Variants in CTNNA2 observed in about 807,000 individuals in gnomAD.
CTNNA2 encodes catenin alpha-2.
Under a neutral mutation model 101.0 loss-of-function variants are expected in CTNNA2, and 42 were observed. The observed-to-expected ratio is 0.42, with a 90% confidence interval of 0.32 to 0.54. CTNNA2 has a LOEUF of 0.54. Ranked by LOEUF, CTNNA2 falls within the 20% of genes least tolerant of loss-of-function variation. The pLI, the probability that CTNNA2 is intolerant of heterozygous loss-of-function variation, is 0.14. For missense variants in CTNNA2, 871 were observed against 1,223.1 expected, an observed-to-expected ratio of 0.71 and a Z score of 4.29; for synonymous variants, 450 against 456.4, an observed-to-expected ratio of 0.99 and a Z score of 0.18.
At chr2:80,266,353 G>T (rs1165046379) in intron 7 of CTNNA2, among the ~76,000 whole-genome samples, 1 of 152,212 alleles carries the variant, frequency 6.6e-6, no homozygotes, top group East Asian at 1.9e-4. Context: ...AGGGAAGTGT[G>T]GTCGAGAGTC....
chr2:80,521,321 T>C (rs1017164390), intron 9 of CTNNA2, among the ~76,000 whole-genome samples: 1 of 152,202 alleles, frequency 6.6e-6, no homozygotes, highest in Non-Finnish European at 1.5e-5. Flanking sequence ...TGGGAGTCTT[T>C]ATTTCCAAAC....
intron 3 of CTNNA2, among the ~76,000 whole-genome samples, chr2:79,326,280 A>T (rs931853726): frequency 6.7e-6 from 1 of 148,256 alleles, no homozygotes; most frequent in Non-Finnish European, 1.5e-5. Flanking sequence ...ATGAATGCAG[A>T]ATATCACTAA....
chr2:79,211,719 T>C (rs888112646), intron 2 of CTNNA2, among the ~76,000 whole-genome samples: 1 of 152,296 alleles, frequency 6.6e-6, no homozygotes, highest in East Asian at 1.9e-4. Context: ...GCAGGTCACA[T>C]GGGATATGAT....
intron 1 of CTNNA2, among the ~76,000 whole-genome samples, chr2:79,649,945 C>A (rs1377262429): frequency 6.6e-6 from 1 of 151,938 alleles, no homozygotes; most frequent in African/African-American, 2.4e-5. Flanking sequence ...CGTGTTAATT[C>A]TAGTAGAAAT....
chr2:79,869,734 TG>T, intron 4 of CTNNA2, 81 bp from the exon 5 acceptor site: 2 of 1,530,016 alleles, frequency 1.3e-6, no homozygotes, highest in Non-Finnish European at 8.7e-7. Flanking sequence ...TTAGAGTTTT[TG>T]GGTGCAAATT....
chr2:79,536,975 G>C (rs971096432), intron 1 of CTNNA2, among the ~76,000 whole-genome samples: 2 of 152,106 alleles, frequency 1.3e-5, no homozygotes, highest in Non-Finnish European at 2.9e-5. Context: ...GGATTTTACT[G>C]TACTTACATC....
intron 4 of CTNNA2, among the ~76,000 whole-genome samples, chr2:79,476,016 C>T (rs1023814297): frequency 6.6e-6 from 1 of 152,068 alleles, no homozygotes; most frequent in Non-Finnish European, 1.5e-5. Context: ...TGGAATGATG[C>T]CATTTATATT....
At chr2:79,304,013 C>A (rs893536461) in intron 2 of CTNNA2, among the ~76,000 whole-genome samples, 1 of 152,094 alleles carries the variant, frequency 6.6e-6, no homozygotes, top group East Asian at 1.9e-4. Flanking sequence ...GAGTATGCTG[C>A]TACTGGGAGC....
chr2:80,067,533 G>C (rs114194949), intron 7 of CTNNA2, among the ~76,000 whole-genome samples: 1 of 152,066 alleles, frequency 6.6e-6, no homozygotes, highest in Admixed American at 6.5e-5. Context: ...GTGGATTGCC[G>C]TAATGTTGTT....
chr2:79,394,443 G>A (rs993674759), intron 4 of CTNNA2, among the ~76,000 whole-genome samples: 3 of 152,164 alleles, frequency 2.0e-5, no homozygotes, highest in African/African-American at 7.2e-5. Context: ...TGATTGGATG[G>A]TAAATACGTA....
rs61148236 is a variant in CTNNA2, at chr2:80,331,022, T to G, written c.1057-62189T>G. The stretch of plus-strand genomic sequence containing the variant: ...TCAGAGCATGCCTTTAAACTGTATG[T>G]TTTTTTTTTTTTTTTTTCCTTCCCC... On this transcript the variant is annotated intron_variant, in intron 7 of 18. Transcript: ENST00000402739. 2.1e-3 allele frequency among the ~76,000 whole-genome samples: 71 copies of G among 33,718 alleles called. No homozygotes were observed. In the African/African-American group the frequency reaches 0.028, roughly 13 times the overall value. The allele number at this position is 33,718 out of a possible 152,430, so 22.1% of individuals were successfully genotyped here. A position where few individuals can be genotyped will look rare whatever the true frequency, so the allele number is the denominator to read the frequency against.
chr2:79,508,199 C>T (rs142978648), upstream of CTNNA2, among the ~76,000 whole-genome samples: 11 of 152,220 alleles, frequency 7.2e-5, no homozygotes, highest in Non-Finnish European at 1.6e-4. Flanking sequence ...TTGATGATCC[C>T]CTGGACTAGC....
At chr2:79,316,089 T>G (rs2104404642) in intron 3 of CTNNA2, among the ~76,000 whole-genome samples, 1 of 152,226 alleles carries the variant, frequency 6.6e-6, no homozygotes, top group South Asian at 2.1e-4. Context: ...TAATTTTAGG[T>G]TTTACATTTA....
At chr2:79,460,234 T>G (rs1041611883) in intron 4 of CTNNA2, among the ~76,000 whole-genome samples, 2 of 152,212 alleles carry the variant, frequency 1.3e-5, no homozygotes, top group Admixed American at 6.5e-5. Context: ...AGGTGCATAA[T>G]TTCATAATTT....
intron 4 of CTNNA2, among the ~76,000 whole-genome samples, chr2:79,414,829 A>G (rs187525682): frequency 0.011 from 1,700 of 152,100 alleles, 18 homozygotes; most frequent in Non-Finnish European, 0.018. Flanking sequence ...GCCATCTTAG[A>G]CCATCCAGCC....
At chr2:80,026,407 C>T (rs1012763597) in intron 7 of CTNNA2, among the ~76,000 whole-genome samples, 2 of 152,130 alleles carry the variant, frequency 1.3e-5, no homozygotes, top group Admixed American at 1.3e-4. Context: ...TAAAATCTTC[C>T]TCTATTCTGT....
chr2:80,354,290 G>C (rs1673575579), intron 7 of CTNNA2, among the ~76,000 whole-genome samples: 1 of 152,132 alleles, frequency 6.6e-6, no homozygotes, highest in African/African-American at 2.4e-5. Flanking sequence ...GGAGGGAGTT[G>C]GTGGGTGAAG....
intron 7 of CTNNA2, among the ~76,000 whole-genome samples, chr2:80,243,384 C>A (rs1007347115): frequency 6.6e-5 from 10 of 151,872 alleles, no homozygotes; most frequent in Non-Finnish European, 7.4e-5. Context: ...TGAAAAGATC[C>A]ATGACGCCCT....
intron 7 of CTNNA2, among the ~76,000 whole-genome samples, chr2:80,325,875 C>T (rs1573724268): frequency 6.6e-6 from 1 of 152,306 alleles, no homozygotes; most frequent in South Asian, 2.1e-4. Flanking sequence ...CTTAAAATGC[C>T]AGGACCCAGA....
Sources: gnomAD v4.1 joint callset for allele counts (sites outside exome capture counted in the v4.1 genomes callset) on GRCh38, gnomAD v4.1.1 for gene constraint, MANE v1.5 for transcripts, NCBI Gene and HGNC (gene_info 2026-07-23, HGNC 2026-07-21) for gene names.